RAB11A: variants seen among roughly 807,000 people sequenced by gnomAD.
RAB11A encodes RAB11A, member RAS oncogene family, also known as ras-related protein Rab-11A.
RAB11A carries 9 observed loss-of-function variants against 28.0 expected under a neutral mutation model. The observed-to-expected ratio is 0.32, with a 90% CI of 0.19 to 0.56. RAB11A has a LOEUF of 0.56. RAB11A is among the 20% of genes least tolerant of loss of function. The pLI is 0.91. For synonymous variants in RAB11A, 85 were observed against 88.2 expected, an observed-to-expected ratio of 0.96 and a Z score of 0.20; for missense variants, 108 against 269.6, an observed-to-expected ratio of 0.40 and a Z score of 4.20.
At chr15:65,879,561 G>A in intron 3 of RAB11A, 110 bp from the exon 4 acceptor site, 1 of 703,502 alleles carries the variant, frequency 1.4e-6, no homozygotes, top group Non-Finnish European at 2.4e-6. Context: ...CAGAAGTTGA[G>A]GAGGTCTTAA....
chr15:65,870,992 A>T (rs1596780081), intron 1 of RAB11A, among the ~76,000 whole-genome samples: 1 of 152,166 alleles, frequency 6.6e-6, no homozygotes, highest in African/African-American at 2.4e-5. Context: ...TGAATTGGGA[A>T]GGTAGCCATC....
chr15:65,870,555 C>T (rs1169502026), intron 1 of RAB11A, among the ~76,000 whole-genome samples: 1 of 152,224 alleles, frequency 6.6e-6, no homozygotes, highest in Non-Finnish European at 1.5e-5. Flanking sequence ...GGCTGTTATC[C>T]TTGCCAGACC....
At chr15:65,883,489 A>G (rs1156609245) in intron 4 of RAB11A, among the ~76,000 whole-genome samples, 1 of 152,236 alleles carries the variant, frequency 6.6e-6, no homozygotes, top group Admixed American at 6.5e-5. Flanking sequence ...TGGATGTCCT[A>G]TTAATTACTA....
chr15:65,869,815 G>A (rs758901828), intron 1 of RAB11A, among the ~76,000 whole-genome samples, 190 bp downstream of exon 1: 6 of 152,098 alleles, frequency 3.9e-5, no homozygotes, highest in Non-Finnish European at 7.3e-5. Context: ...ATCACATGCC[G>A]CTCTCTGAGC....
intron 1 of RAB11A, among the ~76,000 whole-genome samples, chr15:65,871,919 GTTTTTTTTT>G (rs960414631): frequency 1.8e-4 from 13 of 72,056 alleles, no homozygotes; most frequent in African/African-American, 5.6e-4. Context: ...GGTTTTGTCA[GTTTTTTTTT>G]TTTTTTTTTT....
chr15:65,884,064 C>G (rs542372741), intron 4 of RAB11A, among the ~76,000 whole-genome samples: 2 of 151,496 alleles, frequency 1.3e-5, no homozygotes, highest in South Asian at 4.2e-4. Flanking sequence ...AAATTTATGT[C>G]TGAGAAGGTT....
Position 65,869,618 on chromosome 15 carries a change from C to A in RAB11A, c.33C>A (p.Leu11=), listed in dbSNP as rs750861690. The change falls in exon 1 of 5, where the codon CTC becomes CTA. Residue 11 remains leucine (L), a synonymous_variant. Coordinates refer to ENST00000261890, the MANE Select transcript of RAB11A (RefSeq NM_004663.5). The part of the protein sequence containing the change: MGTRDDEYDY[L]FKVVLIGDSG... Reference sequence around the variant, plus strand: ...CCCGCGACGACGAGTACGACTACCTCTTTAAAGGTGAGGCCATGGGCTCTC... The same window carrying A: ...CCCGCGACGACGAGTACGACTACCTATTTAAAGGTGAGGCCATGGGCTCTC... 5.6e-6 allele frequency: 9 copies of A among 1,611,708 alleles called. No homozygotes were observed. Among genetic ancestry groups the A allele is most frequent in the Admixed American group, 1.7e-5 (1 of 59,996 alleles).
intron 3 of RAB11A, 81 bp downstream of exon 3, chr15:65,878,036 A>G: frequency 7.6e-7 from 1 of 1,316,442 alleles, no homozygotes; most frequent in Non-Finnish European, 1.1e-6. Context: ...AATAGGTTAT[A>G]ATAGTTTCAG....
chr15:65,872,763 G>A (rs2078170759), intron 1 of RAB11A, among the ~76,000 whole-genome samples: 2 of 152,076 alleles, frequency 1.3e-5, no homozygotes, highest in Admixed American at 1.3e-4. Flanking sequence ...GCTCTTACAG[G>A]ATATGAGTCA....
chr15:65,875,041 GTC>G (rs1356494220), intron 1 of RAB11A, among the ~76,000 whole-genome samples: 2 of 151,864 alleles, frequency 1.3e-5, no homozygotes, highest in Admixed American at 1.3e-4. Context: ...GTGAGACCCT[GTC>G]TCAAAAAAAG....
intron 1 of RAB11A, among the ~76,000 whole-genome samples, chr15:65,873,381 A>G (rs1343069522): frequency 1.3e-5 from 2 of 152,142 alleles, no homozygotes; most frequent in East Asian, 1.9e-4. Context: ...GGTCAGTAGT[A>G]ATTAACCATC....
chr15:65,879,197 C>A (rs943462444), intron 3 of RAB11A, among the ~76,000 whole-genome samples: 1 of 152,142 alleles, frequency 6.6e-6, no homozygotes, highest in Admixed American at 6.5e-5. Flanking sequence ...CAAAACCTCT[C>A]TCCAGTGTTT....
At chr15:65,873,719 ATT>A (rs570944684) in intron 1 of RAB11A, among the ~76,000 whole-genome samples, 179 of 142,630 alleles carry the variant, frequency 1.3e-3, no homozygotes, top group African/African-American at 4.3e-3. Flanking sequence ...ATGCCTGGCT[ATT>A]TTTTTTTTTT....
At position 65,877,962 on chromosome 15, in the gene RAB11A, G is replaced by T; in HGVS notation, c.430+7G>T. ...GAAGCAAGAGCTTTTGCAGGTTAGTGATAGGAATTCCATGATATTTCTTAC... is the reference window on the plus strand; with the variant it reads ...GAAGCAAGAGCTTTTGCAGGTTAGTTATAGGAATTCCATGATATTTCTTAC... On this transcript the variant is annotated splice_region_variant and intron_variant, in intron 3 of 4. Transcript: ENST00000261890. This position sits in a 1 kb window ranked among gnomAD's most constrained non-coding sequence, Gnocchi z 4.1. 1 of 1,606,622 alleles carries T rather than the reference G, an allele frequency of 6.2e-7. No homozygotes were observed. Among genetic ancestry groups the T allele is most frequent in the Non-Finnish European group, 8.5e-7 (1 of 1,173,296 alleles).
chr15:65,879,837 A>C, intron 4 of RAB11A, 86 bp downstream of exon 4: 3 of 1,035,122 alleles, frequency 2.9e-6, no homozygotes, highest in Non-Finnish European at 4.3e-6. Flanking sequence ...ACTAAACTAT[A>C]TATCAGCCGA....
At chr15:65,883,538 G>A (rs1363060870) in intron 4 of RAB11A, among the ~76,000 whole-genome samples, 1 of 152,142 alleles carries the variant, frequency 6.6e-6, no homozygotes, top group African/African-American at 2.4e-5. Flanking sequence ...GGTGATGTCT[G>A]CTAGGTTTCT....
intron 1 of RAB11A, among the ~76,000 whole-genome samples, chr15:65,876,336 G>T (rs1420363296): frequency 6.6e-6 from 1 of 151,666 alleles, no homozygotes; most frequent in Non-Finnish European, 1.5e-5. Flanking sequence ...TCAGTGTGTC[G>T]CCCAGGCTGG....
At chr15:65,881,820 A>G (rs1444956188) in intron 4 of RAB11A, among the ~76,000 whole-genome samples, 1 of 149,748 alleles carries the variant, frequency 6.7e-6, no homozygotes, top group Non-Finnish European at 1.5e-5. Flanking sequence ...CTGCTGCCAC[A>G]TGCAGTGATC....
Position 65,887,955 on chromosome 15 carries a change from T to G in RAB11A, c.*115T>G. On this transcript the variant is annotated 3_prime_UTR_variant, in exon 5 of 5. Coordinates refer to ENST00000261890, the MANE Select transcript of RAB11A (RefSeq NM_004663.5). Reference sequence around the variant, plus strand: ...TGTTTTATTACTTCATACTTATGAATTTTTCCATGTCCTAAGTCTTTTGAT... The same window carrying G: ...TGTTTTATTACTTCATACTTATGAAGTTTTCCATGTCCTAAGTCTTTTGAT... The G allele has an allele frequency of 8.9e-7, 1 of 1,119,804 alleles. No homozygotes were observed. Among genetic ancestry groups the G allele is most frequent in the Non-Finnish European group, 1.2e-6 (1 of 839,426 alleles). 69.4% of individuals were successfully genotyped at this position (1,119,804 alleles called of 1,614,324 possible).
Sources: allele counts gnomAD v4.1 joint callset (sites outside exome capture counted in the v4.1 genomes callset), GRCh38; gene constraint gnomAD v4.1.1; non-coding constraint Gnocchi (gnomAD v3.1); transcripts MANE v1.5; gene names NCBI Gene and HGNC (gene_info 2026-07-23, HGNC 2026-07-21).